SLC7A5: variants seen among roughly 807,000 people sequenced by gnomAD.
The protein encoded by SLC7A5 is solute carrier family 7 member 5.
Under a neutral mutation model 50.2 loss-of-function variants are expected in SLC7A5, and 23 were observed. The ratio of observed to expected loss-of-function variants is 0.46; its 90% CI spans 0.33 to 0.65. The LOEUF (loss-of-function observed/expected upper bound fraction) is 0.65, where lower values mean the gene tolerates loss of function less well. Among genes scored for constraint, SLC7A5 ranks in the 30% least tolerant of loss-of-function variants. The pLI is 0.02. For synonymous variants in SLC7A5, 393 were observed against 330.6 expected (o/e 1.19, Z -2.05); for missense variants, 578 against 684.4 (o/e 0.84, Z 1.73).
intron 1 of SLC7A5, among the ~76,000 whole-genome samples, chr16:87,867,667 C>T (rs1486325203): frequency 6.6e-6 from 1 of 152,168 alleles, no homozygotes; most frequent in African/African-American, 2.4e-5. Context: ...TAAATTAGCC[C>T]TTCCCACCTT....
chr16:87,842,289 C>T (rs2055091376), intron 2 of SLC7A5, among the ~76,000 whole-genome samples: 1 of 152,194 alleles, frequency 6.6e-6, no homozygotes, highest in Non-Finnish European at 1.5e-5. Flanking sequence ...CAGGGCCAGG[C>T]AGGGACGGGC....
chr16:87,836,409 G>C (rs2143714096), intron 8 of SLC7A5, 89 bp downstream of exon 8: 2 of 1,479,028 alleles, frequency 1.4e-6, no homozygotes, highest in South Asian at 2.3e-5. Context: ...GGCTGAGCTG[G>C]GATGCTGGCT....
chr16:87,839,962 A>T, intron 4 of SLC7A5, 137 bp from the exon 5 acceptor site: 3 of 1,201,432 alleles, frequency 2.5e-6, no homozygotes, highest in Non-Finnish European at 2.4e-6. Flanking sequence ...GGTGGGAAGC[A>T]GCAAGAGAAC....
intron 2 of SLC7A5, among the ~76,000 whole-genome samples, chr16:87,851,442 A>T (rs2055221325): frequency 6.6e-6 from 1 of 152,202 alleles, no homozygotes; most frequent in South Asian, 2.1e-4. Context: ...ACAACGCATC[A>T]GCTGGGCTCT....
chr16:87,836,830 G>T, intron 7 of SLC7A5, 183 bp from the exon 8 acceptor site: 1 of 626,620 alleles, frequency 1.6e-6, no homozygotes, highest in Non-Finnish European at 2.9e-6. Context: ...GAGGGAAGGA[G>T]GGAGGAGAGG....
chr16:87,839,744 G>A lies in SLC7A5; in HGVS notation c.897C>T (p.Thr299=), dbSNP rs776082625. 1 of 1,613,762 alleles carries A rather than the reference G, an allele frequency of 6.2e-7. No individual in the cohort carries two copies. The highest frequency in any genetic ancestry group is 2.2e-5 in the East Asian group (1 of 44,876). ...ACGACAGCATCTGCTCGGTGGACAG[G>A]GTGGTGAAGTAGGCCAGGTTGGTCA... ...YVLTNLAYFT[T]LSTEQMLSSE... Residue 299 remains threonine, a synonymous_variant, in exon 5 of 10, where the codon ACC becomes ACT. Coordinates refer to ENST00000261622, the MANE Select transcript of SLC7A5 (RefSeq NM_003486.7).
intron 1 of SLC7A5, 67 bp from the exon 2 acceptor site, chr16:87,851,916 A>T: frequency 3.1e-6 from 5 of 1,599,942 alleles, no homozygotes; most frequent in Non-Finnish European, 4.3e-6. Flanking sequence ...GTAGGCTGGG[A>T]GGTGACGACC....
intron 2 of SLC7A5, among the ~76,000 whole-genome samples, chr16:87,851,420 C>T (rs1421005395): frequency 1.3e-5 from 2 of 152,184 alleles, no homozygotes; most frequent in Non-Finnish European, 2.9e-5. Context: ...CACATCGCCC[C>T]CAGGTGAGGT....
rs1042663119 is a variant in SLC7A5 at position 87,861,902 on chromosome 16, T to C, written c.538+6983A>G. Among the ~76,000 whole-genome samples, 3 of 152,364 alleles carry C rather than the reference T, an allele frequency of 2.0e-5. No individual in the cohort carries two copies. Among genetic ancestry groups the C allele is most frequent in the Admixed American group, 6.5e-5 (1 of 15,312 alleles). On this transcript the variant is annotated intron_variant, in intron 1 of 9. Coordinates refer to ENST00000261622, the MANE Select transcript of SLC7A5 (RefSeq NM_003486.7). This position sits in a 1 kb window ranked among gnomAD's most constrained non-coding sequence, Gnocchi z 4.2. ...TGCCTAGGTGCCGGCGGCACTTTCA[T>C]GTGCGGCTGGGAAAGTCAGATTTCA...
In SLC7A5 at chr16:87,861,477, C is replaced by T. The variant is rs2055397351; in HGVS notation, c.538+7408G>A. Among the ~76,000 whole-genome samples, 2 of 152,108 alleles carry T rather than the reference C, an allele frequency of 1.3e-5. No individual in the cohort carries two copies. The highest frequency in any genetic ancestry group is 1.3e-4 in the Admixed American group (2 of 15,270). ...TCAGTGTAGAGGTGGGCACTGTGGC[C>T]CCTGGCTCCTGGCTCGCTCCTGCCT... On this transcript the variant is annotated intron_variant, in intron 1 of 9. Transcript: ENST00000261622. This position sits in a 1 kb window ranked among gnomAD's most constrained non-coding sequence, Gnocchi z 4.2.
chr16:87,842,448 A>G (rs1355726915), intron 2 of SLC7A5, among the ~76,000 whole-genome samples: 1 of 152,226 alleles, frequency 6.6e-6, no homozygotes, highest in South Asian at 2.1e-4. Context: ...AGGTTCCCAT[A>G]AGACCTTGGC....
In SLC7A5 at chr16:87,860,103, T is replaced by C. The variant is rs1038927797; in HGVS notation, c.539-8254A>G. On this transcript the variant is annotated intron_variant, in intron 1 of 9. Coordinates refer to ENST00000261622, the MANE Select transcript of SLC7A5 (RefSeq NM_003486.7). This position sits in a 1 kb window ranked among gnomAD's most constrained non-coding sequence, Gnocchi z 4.8. ...ATCCCAGCACTTTGGGAAGCCAAGG[T>C]GGGCGGATCACCTGAGATCAAGAGT... 1.3e-5 allele frequency among the ~76,000 whole-genome samples: 2 copies of C among 151,872 alleles called. No individual in the cohort carries two copies. Among genetic ancestry groups the C allele is most frequent in the African/African-American group, 4.8e-5 (2 of 41,300 alleles).
At chr16:87,839,647 C>CG in intron 5 of SLC7A5, 55 bp downstream of exon 5, 1 of 1,609,552 alleles carries the variant, frequency 6.2e-7, no homozygotes, top group South Asian at 1.1e-5. Flanking sequence ...CTGGAAGGGA[C>CG]GGGCTGGCCA....
intron 1 of SLC7A5, among the ~76,000 whole-genome samples, chr16:87,858,503 G>T (rs1423859907): frequency 6.6e-6 from 1 of 152,170 alleles, no homozygotes; most frequent in African/African-American, 2.4e-5. Flanking sequence ...TCCAGTCACG[G>T]TATTGTGGAG....
rs1567501228 is a variant in SLC7A5 at position 87,860,340 on chromosome 16, ATAC to A, written c.539-8494_539-8492del. Among the ~76,000 whole-genome samples the A allele has an allele frequency of 1.1e-4, 6 of 52,190 alleles. No individual in the cohort carries two copies. Among genetic ancestry groups the A allele is most frequent in the African/African-American group, 5.3e-4 (5 of 9,448 alleles). 34.2% of individuals were successfully genotyped at this position (52,190 alleles called of 152,430 possible). A position where few individuals can be genotyped will look rare whatever the true frequency, so the allele number is the denominator to read the frequency against. ...AAAAGCATCTCAAAAAAAAAAAAAAATACACACACACACACACACACACACACA... is the reference window on the plus strand; with the variant it reads ...AAAAGCATCTCAAAAAAAAAAAAAAAACACACACACACACACACACACACA... On this transcript the variant is annotated intron_variant, in intron 1 of 9. Transcript: ENST00000261622. This position sits in a 1 kb window ranked among gnomAD's most constrained non-coding sequence, Gnocchi z 4.8.
At chr16:87,864,411 C>T (rs766728576) in intron 1 of SLC7A5, among the ~76,000 whole-genome samples, 1 of 152,170 alleles carries the variant, frequency 6.6e-6, no homozygotes, top group African/African-American at 2.4e-5. Flanking sequence ...CACCCTGGAG[C>T]GCCCATCCTG....
Position 87,833,526 on chromosome 16 carries a change from G to C in SLC7A5, c.1469-501C>G, listed in dbSNP as rs889619104. Among the ~76,000 whole-genome samples, 1 of 152,196 alleles carries C rather than the reference G, an allele frequency of 6.6e-6. No homozygotes were observed. The highest frequency in any genetic ancestry group is 1.5e-5 in the Non-Finnish European group (1 of 68,026). On this transcript the variant is annotated intron_variant, in intron 9 of 9. Transcript: ENST00000261622. The surrounding 1 kb of genome is among the most constrained non-coding windows in gnomAD (Gnocchi z 6.0). ...GGGGGACTGCTTTCAGGATAGAGAC[G>C]GGGGTTTGCTTTAAGCTCTTGGTGT... is the stretch of plus-strand genomic sequence containing the variant.
intron 1 of SLC7A5, among the ~76,000 whole-genome samples, chr16:87,868,395 C>A (rs181868129): frequency 6.6e-6 from 1 of 152,202 alleles, no homozygotes; most frequent in South Asian, 2.1e-4. Flanking sequence ...CTACTGTTTT[C>A]TTATGAGTCA....
At chr16:87,844,857 G>A (rs1052997111) in intron 2 of SLC7A5, among the ~76,000 whole-genome samples, 1 of 152,264 alleles carries the variant, frequency 6.6e-6, no homozygotes, top group African/African-American at 2.4e-5. Flanking sequence ...CAAAATTCAC[G>A]TCCAGTGGAG....
Sources: allele counts gnomAD v4.1 joint callset (sites outside exome capture counted in the v4.1 genomes callset), GRCh38; gene constraint gnomAD v4.1.1; non-coding constraint Gnocchi (gnomAD v3.1); transcripts MANE v1.5; gene names NCBI Gene and HGNC (gene_info 2026-07-23, HGNC 2026-07-21).